Variants in CCDC73 observed in about 807,000 individuals in gnomAD.
CCDC73 encodes coiled-coil domain containing 73.
Under a neutral mutation model 116.5 loss-of-function variants are expected in CCDC73, and 95 were observed. The ratio of observed to expected loss-of-function variants is 0.82; its 90% confidence interval spans 0.69 to 0.97. The LOEUF is 0.97. Among genes scored for constraint, CCDC73 ranks in the 50% least tolerant of loss-of-function variants. The pLI is 0.00. For missense variants in CCDC73, 1,066 were observed against 1,206.8 expected (o/e 0.88, Z 1.73); for synonymous variants, 398 against 401.3 (o/e 0.99, Z 0.10).
intron 13 of CCDC73, among the ~76,000 whole-genome samples, chr11:32,636,873 G>T (rs181061172): frequency 6.6e-6 from 1 of 151,736 alleles, no homozygotes; most frequent in East Asian, 1.9e-4. Context: ...CCTAATTCTA[G>T]GAATTTTCTC....
intron 2 of CCDC73, among the ~76,000 whole-genome samples, chr11:32,733,622 A>G (rs1850099527): frequency 6.6e-6 from 1 of 152,186 alleles, no homozygotes; most frequent in African/African-American, 2.4e-5. Context: ...ATCTCACTCA[A>G]AACTGCTCAA....
chr11:32,633,489 A>T (rs1271787472), intron 14 of CCDC73, among the ~76,000 whole-genome samples: 2 of 152,202 alleles, frequency 1.3e-5, no homozygotes, highest in African/African-American at 4.8e-5. Flanking sequence ...AGGAGGACTC[A>T]TAGGACTCAA....
chr11:32,816,379 C>T, the CCDC73 span, among the ~76,000 whole-genome samples: 1 of 152,172 alleles, frequency 6.6e-6, no homozygotes, highest in East Asian at 1.9e-4. Flanking sequence ...TAACAAATCT[C>T]CCCTCTTCTT....
In CCDC73 at chr11:32,734,937, G is replaced by C. The variant is rs545658424; in HGVS notation, c.136-16790C>G. On this transcript the variant is annotated intron_variant, in intron 2 of 17. Coordinates refer to ENST00000335185, the MANE Select transcript of CCDC73 (RefSeq NM_001008391.4). ...CAAAAACCACATGATTATCTCAATA[G>C]ATGCAGAAAAGGCCTTTGACAAAAT... 2.4e-3 allele frequency among the ~76,000 whole-genome samples: 365 copies of C among 152,290 alleles called. 1 individual carries two copies. The highest frequency in any genetic ancestry group is 8.2e-3 in the African/African-American group (339 of 41,556).
chr11:32,651,051 G>T (rs1434255149), intron 12 of CCDC73, among the ~76,000 whole-genome samples: 1 of 152,050 alleles, frequency 6.6e-6, no homozygotes, highest in Non-Finnish European at 1.5e-5. Flanking sequence ...GGTGCCTAAG[G>T]GCCTCATCAC....
At chr11:32,804,029 C>T in the CCDC73 span, among the ~76,000 whole-genome samples, 4 of 152,088 alleles carry the variant, frequency 2.6e-5, no homozygotes, top group African/African-American at 4.8e-5. Flanking sequence ...AGGCTAGTCT[C>T]GAACTCCCGA....
chr11:32,693,909 G>A (rs182835126), intron 6 of CCDC73, among the ~76,000 whole-genome samples: 111 of 132,048 alleles, frequency 8.4e-4, no homozygotes, highest in Admixed American at 7.2e-3. Context: ...TTGATGGAAC[G>A]CATCTCAAAA....
At chr11:32,690,842 A>G (rs1190179778) in intron 6 of CCDC73, among the ~76,000 whole-genome samples, 1 of 152,192 alleles carries the variant, frequency 6.6e-6, no homozygotes, top group African/African-American at 2.4e-5. Flanking sequence ...CATTTGTTAC[A>G]ATTAATGAAC....
intron 12 of CCDC73, among the ~76,000 whole-genome samples, chr11:32,645,291 C>CTTTTTTTTTTTTTTTTTTTTTT (rs397689348): frequency 2.5e-5 from 3 of 121,082 alleles, no homozygotes; most frequent in Admixed American, 8.6e-5. Flanking sequence ...TTTTCTTTTT[C>CTTTTTTTTTTTTTTTTTTTTTT]TTTTTTTTTT....
chr11:32,789,687 C>G (rs574463812), intron 1 of CCDC73, among the ~76,000 whole-genome samples: 2 of 152,244 alleles, frequency 1.3e-5, no homozygotes, highest in African/African-American at 4.8e-5. Flanking sequence ...GTGGGAGGAT[C>G]ACTTGAGCCA....
At chr11:32,717,685 G>GA (rs920196992) in intron 3 of CCDC73, among the ~76,000 whole-genome samples, 2 of 151,838 alleles carry the variant, frequency 1.3e-5, no homozygotes, top group Non-Finnish European at 2.9e-5. Context: ...TAATCTGAGA[G>GA]AAAAAAAATA....
intron 4 of CCDC73, among the ~76,000 whole-genome samples, chr11:32,701,955 C>G (rs945118181): frequency 6.6e-6 from 1 of 152,170 alleles, no homozygotes; most frequent in Non-Finnish European, 1.5e-5. Flanking sequence ...ATCTGAGTAT[C>G]CTTATCTTGC....
chr11:32,804,784 T>C, the CCDC73 span, among the ~76,000 whole-genome samples: 1,924 of 152,332 alleles, frequency 0.013, 39 homozygotes, highest in African/African-American at 0.044. Context: ...AACAAAGGTT[T>C]ACTTAAGCCC....
chr11:32,607,695 A>G (rs1373713582), intron 17 of CCDC73, among the ~76,000 whole-genome samples: 1 of 152,194 alleles, frequency 6.6e-6, no homozygotes, highest in South Asian at 2.1e-4. Flanking sequence ...CCATATTTTA[A>G]TGATACACAC....
intron 17 of CCDC73, chr11:32,605,471 G>C (rs1855337279): frequency 6.6e-6 from 1 of 152,140 alleles, no homozygotes; most frequent in East Asian, 1.9e-4. Flanking sequence ...TTACTGGAAA[G>C]AATAACTAGT....
At chr11:32,771,032 G>C (rs1850489143) in intron 1 of CCDC73, among the ~76,000 whole-genome samples, 1 of 152,176 alleles carries the variant, frequency 6.6e-6, no homozygotes, top group Non-Finnish European at 1.5e-5. Context: ...CGTTATCTTA[G>C]AGCATCCTGA....
chr11:32,682,519 T>C (rs1047772786), intron 7 of CCDC73: 1 of 151,944 alleles, frequency 6.6e-6, no homozygotes. Context: ...TTCTATGTAA[T>C]GTCAGAAGGG....
chr11:32,826,505 G>A, the CCDC73 span, among the ~76,000 whole-genome samples: 1 of 152,250 alleles, frequency 6.6e-6, no homozygotes. Flanking sequence ...ACACAGGTAA[G>A]TGGGCGGGTA....
intron 1 of CCDC73, among the ~76,000 whole-genome samples, chr11:32,764,438 A>G (rs1850421978): frequency 6.6e-6 from 1 of 152,230 alleles, no homozygotes; most frequent in Non-Finnish European, 1.5e-5. Context: ...CACAAGCCAT[A>G]AGAGACTGTG....
Sources: allele counts gnomAD v4.1 joint callset (sites outside exome capture counted in the v4.1 genomes callset), GRCh38; gene constraint gnomAD v4.1.1; transcripts MANE v1.5; gene names NCBI Gene and HGNC (gene_info 2026-07-23, HGNC 2026-07-21).